Variants in TNRC6C observed in about 807,000 individuals in gnomAD.
TNRC6C encodes trinucleotide repeat containing adaptor 6C.
In TNRC6C, 20 loss-of-function variants were observed where a neutral mutation model predicts 153.7. The ratio of observed to expected loss-of-function variants is 0.13; its 90% CI spans 0.09 to 0.19. The LOEUF is 0.19. Ranked by LOEUF, TNRC6C falls within the 10% of genes least tolerant of loss-of-function variation. The pLI is 1.00. For synonymous variants in TNRC6C, 811 were observed against 841.4 expected (o/e 0.96, Z 0.63); for missense variants, 1,987 against 2,172.0 (o/e 0.91, Z 1.69).
At chr17:77,959,305 G>T (rs1048855993) in intron 1 of TNRC6C, 37 bp downstream of exon 1, 1 of 151,660 alleles carries the variant, frequency 6.6e-6, no homozygotes, top group African/African-American at 2.4e-5. Context: ...CGCCGCAGCC[G>T]CAACTTTGCC....
At chr17:78,004,298 T>G (rs1466738699), upstream of TNRC6C, 1 of 1,231,608 alleles carries the variant, frequency 8.1e-7, no homozygotes, top group African/African-American at 1.6e-5. Context: ...CTTCATTGTC[T>G]TTGTATCATT....
chr17:78,072,998 A>G (rs751426073), intron 6 of TNRC6C, 39 bp from the exon 9 acceptor site: 1 of 1,464,714 alleles, frequency 6.8e-7, no homozygotes, highest in Non-Finnish European at 9.3e-7. Context: ...CCTTTTGTTA[A>G]TTAATGTGCA....
intron 5 of TNRC6C, among the ~76,000 whole-genome samples, chr17:78,070,707 TAGAA>T (rs2072977199): frequency 6.6e-6 from 1 of 152,200 alleles, no homozygotes; most frequent in African/African-American, 2.4e-5. Flanking sequence ...GAATAAAGCT[TAGAA>T]AAGGCAAAAA....
intron 4 of TNRC6C, chr17:78,066,694 G>A (rs2072886406): frequency 2.6e-5 from 4 of 152,148 alleles, no homozygotes; most frequent in Admixed American, 2.6e-4. Context: ...TAAGATAGGA[G>A]GAAAAAACAA....
At position 78,104,357 on chromosome 17, in the gene TNRC6C, G is replaced by C. The variant is rs2073650898; in HGVS notation, c.4713-128G>C. ...CATTCACAGTCTGGGTTTGGAAATA[G>C]CAGTGGCAAAACAGAAGCCACAGGA... On this transcript the variant is annotated intron_variant, in intron 19 of 19. Transcript: ENST00000301624. This position sits in a 1 kb window ranked among gnomAD's most constrained non-coding sequence, Gnocchi z 6.2. The C allele has an allele frequency of 7.7e-7, 1 of 1,292,198 alleles. No individual in the cohort carries two copies. Among genetic ancestry groups the C allele is most frequent in the Non-Finnish European group, 1.0e-6 (1 of 985,386 alleles). The allele number at this position is 1,292,198 out of a possible 1,614,324, so 80.0% of individuals were successfully genotyped here.
At chr17:78,021,366 G>C (rs2071828599) in intron 1 of TNRC6C, among the ~76,000 whole-genome samples, 1 of 152,244 alleles carries the variant, frequency 6.6e-6, no homozygotes, top group Admixed American at 6.5e-5. Context: ...AGCCTGATGT[G>C]CTTGTGCTCG....
chr17:78,086,418 T>A, intron 11 of TNRC6C, 85 bp from the exon 14 acceptor site: 1 of 1,280,328 alleles, frequency 7.8e-7, no homozygotes. Context: ...CTTTTTTTAT[T>A]TTTTAACTAA....
rs756442908 is a variant in TNRC6C at position 78,075,137 on chromosome 17, C to T, written c.2919C>T (p.Ser973=). The stretch of plus-strand genomic sequence containing the variant: ...TTGCTTCTGTTTGTTGTGCTCCAGG[C>T]GCTCTGCTGGAAAAGAAGGTGGACG... Residue 973 remains serine (S), a splice_region_variant and synonymous_variant, in exon 8 of 20, where the codon AGC becomes AGT. Transcript: ENST00000301624. The surrounding 1 kb of genome is among the most constrained non-coding windows in gnomAD (Gnocchi z 4.2). 9.9e-6 allele frequency: 16 copies of T among 1,613,204 alleles called. No homozygotes were observed. The highest frequency in any genetic ancestry group is 1.2e-5 in the Non-Finnish European group (14 of 1,179,566).
At chr17:78,025,135 A>C (rs2071915484) in intron 1 of TNRC6C, among the ~76,000 whole-genome samples, 1 of 151,780 alleles carries the variant, frequency 6.6e-6, no homozygotes, top group African/African-American at 2.4e-5. Flanking sequence ...ATTAGGGTTC[A>C]CTCTTTGTGT....
intron 2 of TNRC6C, among the ~76,000 whole-genome samples, chr17:78,033,111 T>C (rs901503510): frequency 6.6e-6 from 1 of 152,230 alleles, no homozygotes; most frequent in African/African-American, 2.4e-5. Context: ...TTAAGGGTCT[T>C]ATTTTGAAAA....
At chr17:78,021,490 T>A (rs1008072768) in intron 1 of TNRC6C, among the ~76,000 whole-genome samples, 45 of 152,242 alleles carry the variant, frequency 3.0e-4, no homozygotes, top group African/African-American at 1.0e-3. Flanking sequence ...TTCTTCTTGA[T>A]AAATAGCATC....
rs572896528 is a variant in TNRC6C, at chr17:77,985,610, A to T, written c.-37-18560A>T. ...GAGCGAGACTCCGTCTCAAAAAAAA[A>T]AAAAAACCAGCAACTGTGTTGAATC... On this transcript the variant is annotated intron_variant, in intron 1 of 22. Transcript: ENST00000636222. Among the ~76,000 whole-genome samples, 58 of 152,034 alleles carry T rather than the reference A, an allele frequency of 3.8e-4. 1 individual carries two copies. Among genetic ancestry groups the T allele is most frequent in the African/African-American group, 1.1e-3 (47 of 41,390 alleles).
chr17:78,018,813 A>G (rs1043954921), intron 1 of TNRC6C, among the ~76,000 whole-genome samples: 1 of 152,184 alleles, frequency 6.6e-6, no homozygotes, highest in African/African-American at 2.4e-5. Context: ...TACTGTCTCT[A>G]TAAACTAGAA....
intron 3 of TNRC6C, among the ~76,000 whole-genome samples, chr17:78,060,964 C>CT (rs1363459034): frequency 3.3e-5 from 5 of 152,216 alleles, no homozygotes; most frequent in African/African-American, 1.2e-4. Context: ...GGCCTTTTCT[C>CT]TGTCTGCTGC....
At chr17:78,105,102 T>G in exon 20 of TNRC6C, 1 of 397,994 alleles carries the variant, frequency 2.5e-6, no homozygotes, top group East Asian at 3.7e-5. Context: ...GTATAGTGTG[T>G]TGTCATTTTG....
intron 1 of TNRC6C, chr17:78,008,904 C>T (rs181718188): frequency 9.2e-5 from 14 of 152,250 alleles, no homozygotes; most frequent in Admixed American, 6.5e-4. Flanking sequence ...TTTATATGGA[C>T]TCTCCACTGC....
chr17:78,067,926 A>T lies in TNRC6C; in HGVS notation c.2778+3A>T. On this transcript the variant is annotated splice_donor_region_variant and intron_variant, in intron 5 of 19. Coordinates refer to ENST00000301624, the Ensembl canonical transcript of TNRC6C. ...CCCCCAAAAAAGGACTTCAAAAGGT[A>T]AGTACAACACTCTTAACGACGGTAC... is the stretch of plus-strand genomic sequence containing the variant. 6.2e-7 allele frequency: 1 copy of T among 1,610,110 alleles called. No individual in the cohort carries two copies. The highest frequency in any genetic ancestry group is 1.1e-5 in the South Asian group (1 of 90,578).
upstream of TNRC6C, among the ~76,000 whole-genome samples, chr17:78,004,466 G>C (rs367661994): frequency 1.3e-5 from 2 of 152,234 alleles, no homozygotes; most frequent in African/African-American, 4.8e-5. Context: ...GGAACTGGAA[G>C]TGTTAGAGCT....
intron 5 of TNRC6C, among the ~76,000 whole-genome samples, chr17:78,069,464 A>G (rs2072947911): frequency 6.6e-6 from 1 of 152,114 alleles, no homozygotes; most frequent in African/African-American, 2.4e-5. Flanking sequence ...CTGGAGTACA[A>G]CCTTGAACTC....
Sources: allele counts gnomAD v4.1 joint callset (sites outside exome capture counted in the v4.1 genomes callset), GRCh38; gene constraint gnomAD v4.1.1; non-coding constraint Gnocchi (gnomAD v3.1); transcripts MANE v1.5; gene names NCBI Gene and HGNC (gene_info 2026-07-23, HGNC 2026-07-21).